SMO: variants seen among roughly 807,000 people sequenced by gnomAD.
SMO encodes smoothened, frizzled class receptor, also known as protein smoothened.
SMO carries 40 observed loss-of-function variants against 81.6 expected under a neutral mutation model. That is an observed-to-expected ratio of 0.49 (90% CI 0.38 to 0.64). SMO has a LOEUF of 0.64. SMO is among the 30% of genes least tolerant of loss of function. The pLI is 0.00. For synonymous variants in SMO, 434 were observed against 432.1 expected (o/e 1.00, Z -0.05); for missense variants, 916 against 1,061.1 (o/e 0.86, Z 1.90).
rs2150648340 is a variant in SMO at position 129,205,319 on chromosome 7, G to A, written c.654G>A (p.Gln218=). The A allele has an allele frequency of 1.2e-6, 2 of 1,614,214 alleles. No individual in the cohort carries two copies. The highest frequency in any genetic ancestry group is 1.7e-6 in the Non-Finnish European group (2 of 1,180,028). ...EDVEGCGIQC[Q]NPLFTEAEHQ... ...TGGAGGGCTGCGGCATCCAGTGCCA[G>A]AACCCGCTCTTCACAGAGGCTGAGC... The change falls in exon 3 of 12, where the codon CAG becomes CAA. Residue 218 remains glutamine, a synonymous_variant. Transcript: ENST00000249373.
chr7:129,205,498 G>A (rs1000430358), intron 3 of SMO, 86 bp downstream of exon 3: 1 of 1,534,038 alleles, frequency 6.5e-7, no homozygotes, highest in African/African-American at 1.4e-5. Context: ...AGAGGTCTTG[G>A]TGGGGGTCCC....
chr7:129,194,986 T>C (rs1793548354), intron 1 of SMO, among the ~76,000 whole-genome samples: 1 of 152,194 alleles, frequency 6.6e-6, no homozygotes, highest in South Asian at 2.1e-4. Flanking sequence ...TTTTGCCATG[T>C]TGGTCAGGCT....
chr7:129,204,389 C>T (rs1462315344), intron 2 of SMO, among the ~76,000 whole-genome samples: 1 of 8,154 alleles, frequency 1.2e-4, no homozygotes, highest in Non-Finnish European at 5.7e-4. Context: ...GCCTGTTATC[C>T]CCACCACTTT....
At chr7:129,200,160 G>A (rs755408409) in intron 1 of SMO, among the ~76,000 whole-genome samples, 4 of 152,136 alleles carry the variant, frequency 2.6e-5, no homozygotes, top group African/African-American at 9.7e-5. Context: ...GGTGGCTCAC[G>A]CCGTAATCCC....
At position 129,211,328 on chromosome 7, in the gene SMO, G is replaced by C; in HGVS notation, c.1801+215G>C. On this transcript the variant is annotated intron_variant, in intron 10 of 11. Coordinates refer to ENST00000249373, the MANE Select transcript of SMO (RefSeq NM_005631.5). The surrounding 1 kb of genome is among the most constrained non-coding windows in gnomAD (Gnocchi z 4.6). ...GTTTCTGCCCCTGGGTCTGCTTGCC[G>C]GTGCTTGGGTTCCAAGAAGACTCCC... 1.4e-6 allele frequency: 1 copy of C among 720,224 alleles called. No individual in the cohort carries two copies. The highest frequency in any genetic ancestry group is 2.5e-6 in the Non-Finnish European group (1 of 402,430). 44.6% of individuals were successfully genotyped at this position (720,224 alleles called of 1,614,324 possible).
chr7:129,194,590 T>TC, intron 1 of SMO, among the ~76,000 whole-genome samples: 1 of 152,308 alleles, frequency 6.6e-6, no homozygotes, highest in East Asian at 1.9e-4. Flanking sequence ...ATCCTTTTTT[T>TC]CTCTATGGTT....
intron 6 of SMO, among the ~76,000 whole-genome samples, chr7:129,207,853 A>G (rs910544449): frequency 4.6e-5 from 7 of 151,620 alleles, no homozygotes; most frequent in African/African-American, 1.7e-4. Flanking sequence ...TGATCTTGCC[A>G]CTGCACTCCA....
chr7:129,201,279 T>TCA (rs1793665187), intron 1 of SMO, among the ~76,000 whole-genome samples: 1 of 152,208 alleles, frequency 6.6e-6, no homozygotes, highest in African/African-American at 2.4e-5. Context: ...ACTCCTGACC[T>TCA]TGTGATCCAC....
intron 6 of SMO, among the ~76,000 whole-genome samples, chr7:129,207,467 C>G (rs1793792282): frequency 6.6e-6 from 1 of 152,168 alleles, no homozygotes. Flanking sequence ...TTGTAAACCT[C>G]AGTTTCCTCA....
chr7:129,209,926 T>C (rs1793841181), intron 8 of SMO: 1 of 177,952 alleles, frequency 5.6e-6, no homozygotes, highest in East Asian at 1.4e-4. Context: ...GTCCAAGCCC[T>C]GACTGCTTCA....
Position 129,206,483 on chromosome 7 carries a change from G to A in SMO, c.1160G>A (p.Ser387Asn), listed in dbSNP as rs761361549. Residue 387 changes from serine to asparagine, a missense_variant, in exon 6 of 12, where the codon AGT becomes AAT. Ser to Asn is a conservative substitution (Grantham distance 46). Coordinates refer to ENST00000249373, the MANE Select transcript of SMO (RefSeq NM_005631.5). This position sits in a 1 kb window ranked among gnomAD's most constrained non-coding sequence, Gnocchi z 4.4. ...AVAQVDGDSV[S>N]GICFVGYKNY... ...CTGCAGGTGGATGGGGACTCTGTGA[G>A]TGGGATTTGTTTTGTGGGCTACAAG... The A allele has an allele frequency of 6.8e-6, 11 of 1,614,024 alleles. No individual in the cohort carries two copies. The highest frequency in any genetic ancestry group is 9.3e-6 in the Non-Finnish European group (11 of 1,180,006).
chr7:129,212,176 G>A lies in SMO; in HGVS notation c.2089G>A (p.Ala697Thr). The A allele has an allele frequency of 6.4e-7, 1 of 1,556,232 alleles. No homozygotes were observed. Among genetic ancestry groups the A allele is most frequent in the Non-Finnish European group, 8.7e-7 (1 of 1,149,850 alleles). The part of the protein sequence containing the change: ...PPPELHPPAP[A>T]PSTIPRLPQL... The stretch of plus-strand genomic sequence containing the variant: ...CCCTGAGCTTCACCCCCCTGCCCCT[G>A]CCCCCAGTACCATTCCTCGACTGCC... Residue 697 changes from alanine to threonine, a missense_variant, in exon 12 of 12, where the codon GCC becomes ACC. Ala to Thr is a moderately conservative substitution (Grantham distance 58). Coordinates refer to ENST00000249373, the MANE Select transcript of SMO (RefSeq NM_005631.5). This position sits in a 1 kb window ranked among gnomAD's most constrained non-coding sequence, Gnocchi z 5.0.
Position 129,189,665 on chromosome 7 carries a change from G to A in SMO, c.331+183G>A, listed in dbSNP as rs1214141964. 4.6e-5 allele frequency among the ~76,000 whole-genome samples: 7 copies of A among 152,202 alleles called. No homozygotes were observed. Among genetic ancestry groups the A allele is most frequent in the Non-Finnish European group, 8.8e-5 (6 of 68,038 alleles). On this transcript the variant is annotated intron_variant, in intron 1 of 11. Coordinates refer to ENST00000249373, the MANE Select transcript of SMO (RefSeq NM_005631.5). This position sits in a 1 kb window ranked among gnomAD's most constrained non-coding sequence, Gnocchi z 4.7. Reference sequence around the variant, plus strand: ...GTGCAGGATGGGACCCTCGGTCATGGGAAAAGGAGGGCAAGGAAGTTGACG... The same window carrying A: ...GTGCAGGATGGGACCCTCGGTCATGAGAAAAGGAGGGCAAGGAAGTTGACG...
At position 129,189,512 on chromosome 7, in the gene SMO, C is replaced by T. The variant is rs2150638622; in HGVS notation, c.331+30C>T. 6.5e-7 allele frequency: 1 copy of T among 1,533,072 alleles called. No homozygotes were observed. The highest frequency in any genetic ancestry group is 8.7e-7 in the Non-Finnish European group (1 of 1,145,782). The allele number at this position is 1,533,072 out of a possible 1,614,324, so 95.0% of individuals were successfully genotyped here. A position where few individuals can be genotyped will look rare whatever the true frequency, so the allele number is the denominator to read the frequency against. On this transcript the variant is annotated intron_variant, in intron 1 of 11. Transcript: ENST00000249373. The surrounding 1 kb of genome is among the most constrained non-coding windows in gnomAD (Gnocchi z 4.7). ...GTGCGGCGGAGCCGGGTCTGGGGGG[C>T]GGGAGGTGCCGCGGTAAGATGGGGG...
Position 129,211,049 on chromosome 7 carries a change from C to T in SMO, c.1737C>T (p.Leu579=), listed in dbSNP as rs1160154917. The T allele has an allele frequency of 1.2e-6, 2 of 1,613,932 alleles. No individual in the cohort carries two copies. The highest frequency in any genetic ancestry group is 3.3e-5 in the Admixed American group (2 of 59,960). Residue 579 remains leucine (L), a synonymous_variant, in exon 10 of 12, where the codon CTC becomes CTT. Coordinates refer to ENST00000249373, the MANE Select transcript of SMO (RefSeq NM_005631.5). The surrounding 1 kb of genome is among the most constrained non-coding windows in gnomAD (Gnocchi z 4.6). ...IAKAFSKRHE[L]LQNPGQELSF... ...AGGCCTTCTCTAAGCGGCACGAGCTCCTGCAGAACCCAGGCCAGGAGCTGT... is the reference window on the plus strand; with the variant it reads ...AGGCCTTCTCTAAGCGGCACGAGCTTCTGCAGAACCCAGGCCAGGAGCTGT...
At position 129,211,804 on chromosome 7, in the gene SMO, G is replaced by A. The variant is rs746900301; in HGVS notation, c.1936+34G>A. 1.9e-6 allele frequency: 3 copies of A among 1,613,408 alleles called. No homozygotes were observed. The highest frequency in any genetic ancestry group is 2.2e-5 in the East Asian group (1 of 44,876). On this transcript the variant is annotated intron_variant, in intron 11 of 11. Transcript: ENST00000249373. The surrounding 1 kb of genome is among the most constrained non-coding windows in gnomAD (Gnocchi z 4.6). ...GTTCAAGCTTCTGGAGGAAGGTGGG[G>A]GGAGCACAGAGGCTGGGGGCTTCTG...
chr7:129,192,744 A>G (rs563106409), intron 1 of SMO, among the ~76,000 whole-genome samples: 2 of 152,286 alleles, frequency 1.3e-5, no homozygotes, highest in African/African-American at 4.8e-5. Flanking sequence ...CCCTTTCACT[A>G]AGATAGAGAA....
intron 1 of SMO, among the ~76,000 whole-genome samples, chr7:129,190,864 G>C (rs1793472029): frequency 6.6e-6 from 1 of 152,144 alleles, no homozygotes; most frequent in Non-Finnish European, 1.5e-5. Flanking sequence ...CTTCTTTTAC[G>C]ATGTTTGCAT....
chr7:129,210,014 T>C lies in SMO; in HGVS notation c.1467-349T>C, dbSNP rs1457275570. The C allele has an allele frequency of 2.0e-5, 4 of 200,186 alleles. No homozygotes were observed. Among genetic ancestry groups the C allele is most frequent in the Non-Finnish European group, 4.2e-5 (4 of 96,266 alleles). 12.4% of individuals were successfully genotyped at this position (200,186 alleles called of 1,614,324 possible). A position where few individuals can be genotyped will look rare whatever the true frequency, so the allele number is the denominator to read the frequency against. On this transcript the variant is annotated intron_variant, in intron 8 of 11. Transcript: ENST00000249373. The surrounding 1 kb of genome is among the most constrained non-coding windows in gnomAD (Gnocchi z 4.7). ...GATGCCTGAGTCTCTGCCCCAGAGA[T>C]TCAATTTAATTGTCTAGGGTGGGTC...
Sources: gnomAD v4.1 joint callset for allele counts (sites outside exome capture counted in the v4.1 genomes callset) on GRCh38, gnomAD v4.1.1 for gene constraint, Gnocchi (gnomAD v3.1) non-coding constraint, MANE v1.5 for transcripts, NCBI Gene and HGNC (gene_info 2026-07-23, HGNC 2026-07-21) for gene names.